The following PSMB2 variants were observed in gnomAD, a reference collection of about 807,000 sequenced individuals.
The protein encoded by PSMB2 is proteasome 20S subunit beta 2.
In PSMB2, 13 loss-of-function variants were observed where a neutral mutation model predicts 25.7. That is an observed-to-expected ratio of 0.51 (90% CI 0.33 to 0.80). PSMB2 has a LOEUF of 0.80. Among genes scored for constraint, PSMB2 ranks in the 30% least tolerant of loss-of-function variants. The probability of loss-of-function intolerance (pLI) is 0.02; values close to 1 mark genes in which losing one functional copy is unlikely to be tolerated. For synonymous variants in PSMB2, 87 were observed against 96.2 expected, an observed-to-expected ratio of 0.90 and a Z score of 0.56; for missense variants, 202 against 259.0, an observed-to-expected ratio of 0.78 and a Z score of 1.51.
In PSMB2 at chr1:35,600,098, G is replaced by C. The variant is rs1216675949; in HGVS notation, c.*3169C>G. 4 of 861,834 alleles carry C rather than the reference G, an allele frequency of 4.6e-6. No individual in the cohort carries two copies. The South Asian group carries it at 2.1e-4, about 46-fold the overall frequency. 53.4% of individuals were successfully genotyped at this position (861,834 alleles called of 1,614,324 possible). On this transcript the variant is annotated 3_prime_UTR_variant, in exon 6 of 6. Coordinates refer to ENST00000373237, the MANE Select transcript of PSMB2 (RefSeq NM_002794.5). ...GAACTTACTGCAGTAAGCTACGATC[G>C]TGCCACTGTACTCCAGCCTAGGTGA...
chr1:35,602,817 A>T lies in PSMB2; in HGVS notation c.*450T>A. On this transcript the variant is annotated 3_prime_UTR_variant, in exon 6 of 6. Coordinates refer to ENST00000373237, the MANE Select transcript of PSMB2 (RefSeq NM_002794.5). Reference sequence around the variant, plus strand: ...AGCTCTGGAAGAAATATTTTTCACTACATGTTTTTGTACTGTTTGCATGTT... The same window carrying T: ...AGCTCTGGAAGAAATATTTTTCACTTCATGTTTTTGTACTGTTTGCATGTT... 1.3e-6 allele frequency: 1 copy of T among 780,794 alleles called. No individual in the cohort carries two copies. Among genetic ancestry groups the T allele is most frequent in the Non-Finnish European group, 1.6e-6 (1 of 642,728 alleles). 48.4% of individuals were successfully genotyped at this position (780,794 alleles called of 1,614,324 possible).
chr1:35,601,212 G>A lies in PSMB2; in HGVS notation c.*2055C>T, dbSNP rs144381162. 3.6e-3 allele frequency: 2,062 copies of A among 567,828 alleles called. 51 individuals carry two copies. In the African/African-American group the frequency reaches 0.04, roughly 11 times the overall value. 35.2% of individuals were successfully genotyped at this position (567,828 alleles called of 1,614,324 possible). On this transcript the variant is annotated 3_prime_UTR_variant, in exon 6 of 6. Coordinates refer to ENST00000373237, the MANE Select transcript of PSMB2 (RefSeq NM_002794.5). ...CTCCCAAGTAGTTGGGTTTACAGGC[G>A]TGTGCCACCACGCCTGGCTAATTGT...
chr1:35,614,117 G>A (rs1227640035), intron 3 of PSMB2, among the ~76,000 whole-genome samples: 1 of 152,120 alleles, frequency 6.6e-6, no homozygotes, highest in African/African-American at 2.4e-5. Flanking sequence ...CTCTTTCCAG[G>A]GGCCCTAGGG....
chr1:35,621,900 G>C (rs1468058575), intron 3 of PSMB2, among the ~76,000 whole-genome samples: 1 of 152,108 alleles, frequency 6.6e-6, no homozygotes, highest in Admixed American at 6.5e-5. Flanking sequence ...GGAGGCTGAG[G>C]CAGGAGAATT....
intron 4 of PSMB2, among the ~76,000 whole-genome samples, chr1:35,608,891 C>G (rs1040000961): frequency 6.6e-6 from 1 of 152,160 alleles, no homozygotes; most frequent in Non-Finnish European, 1.5e-5. Flanking sequence ...TGCCAAAAAT[C>G]TAGGCAAAGC....
chr1:35,626,734 T>C (rs185655478), intron 3 of PSMB2, among the ~76,000 whole-genome samples: 21 of 152,334 alleles, frequency 1.4e-4, no homozygotes, highest in African/African-American at 4.3e-4. Context: ...ACACATCTTA[T>C]GGTGTCATAA....
At chr1:35,639,443 T>C (rs1212108387) in intron 1 of PSMB2, among the ~76,000 whole-genome samples, 1 of 152,222 alleles carries the variant, frequency 6.6e-6, no homozygotes, top group East Asian at 1.9e-4. Context: ...CTTTTATTAC[T>C]CTTAGGATTT....
chr1:35,633,819 A>C (rs1315303249), intron 2 of PSMB2, among the ~76,000 whole-genome samples: 1 of 152,380 alleles, frequency 6.6e-6, no homozygotes, highest in South Asian at 2.1e-4. Context: ...GAGGCCCTCA[A>C]AAGTATTTAT....
At chr1:35,623,099 G>A (rs548858283) in intron 3 of PSMB2, among the ~76,000 whole-genome samples, 1 of 152,186 alleles carries the variant, frequency 6.6e-6, no homozygotes, top group Non-Finnish European at 1.5e-5. Flanking sequence ...CTGTCTCTGG[G>A]TCTTTGGATA....
intron 3 of PSMB2, among the ~76,000 whole-genome samples, chr1:35,611,242 T>C (rs1011109343): frequency 3.9e-5 from 6 of 152,208 alleles, no homozygotes; most frequent in Non-Finnish European, 7.3e-5. Context: ...TGAAGTGTAA[T>C]AGCTAATGGT....
intron 3 of PSMB2, among the ~76,000 whole-genome samples, chr1:35,620,729 A>AT (rs1650656769): frequency 6.6e-6 from 1 of 151,594 alleles, no homozygotes; most frequent in South Asian, 2.1e-4. Flanking sequence ...CTGTCTCAAA[A>AT]AAAAAACAAA....
chr1:35,618,036 T>C (rs1434838906), intron 3 of PSMB2, among the ~76,000 whole-genome samples: 1 of 152,104 alleles, frequency 6.6e-6, no homozygotes, highest in Admixed American at 6.5e-5. Flanking sequence ...AGGATGGTAA[T>C]TGACAGTTAC....
intron 3 of PSMB2, among the ~76,000 whole-genome samples, chr1:35,629,973 A>C (rs1306958926): frequency 6.6e-6 from 1 of 152,154 alleles, no homozygotes; most frequent in Non-Finnish European, 1.5e-5. Flanking sequence ...GTTCGAGACC[A>C]GCCTGACACC....
intron 3 of PSMB2, among the ~76,000 whole-genome samples, chr1:35,621,571 C>T (rs772884343): frequency 7.9e-5 from 12 of 152,172 alleles, no homozygotes; most frequent in Admixed American, 1.3e-4. Context: ...ATCCTATTTG[C>T]TCTGTTGTCT....
intron 3 of PSMB2, among the ~76,000 whole-genome samples, chr1:35,625,544 C>T (rs1471109945): frequency 6.6e-6 from 1 of 152,006 alleles, no homozygotes; most frequent in South Asian, 2.1e-4. Flanking sequence ...GGGTGGACCA[C>T]GAGGTCAAGA....
intron 3 of PSMB2, 146 bp downstream of exon 3, chr1:35,631,128 A>G (rs1048931385): frequency 9.9e-6 from 7 of 708,894 alleles, no homozygotes; most frequent in Non-Finnish European, 1.5e-5. Flanking sequence ...GCACAAAGAC[A>G]TTGGACTTAA....
chr1:35,615,717 A>G (rs1454635861), intron 3 of PSMB2, among the ~76,000 whole-genome samples: 1 of 152,210 alleles, frequency 6.6e-6, no homozygotes, highest in Non-Finnish European at 1.5e-5. Flanking sequence ...CTTTGGAGCC[A>G]GGCCAGCCTT....
chr1:35,611,256 A>G lies in PSMB2; in HGVS notation c.286-1848T>C, dbSNP rs555028569. 1.1e-4 allele frequency among the ~76,000 whole-genome samples: 17 copies of G among 152,340 alleles called. No homozygotes were observed. The South Asian group carries it at 3.3e-3, about 30-fold the overall frequency. On this transcript the variant is annotated intron_variant, in intron 3 of 5. Transcript: ENST00000373237. ...ATGAAGTGTAATAGCTAATGGTCCT[A>G]AAAGTGGCATTTAACATTCTTTGAA...
At chr1:35,604,047 G>C (rs118048817) in intron 5 of PSMB2, among the ~76,000 whole-genome samples, 3 of 149,844 alleles carry the variant, frequency 2.0e-5, no homozygotes, top group South Asian at 4.2e-4. Flanking sequence ...AAAAAAAAGC[G>C]GGGGGTGGGG....
Sources: gnomAD v4.1 joint callset for allele counts (sites outside exome capture counted in the v4.1 genomes callset) on GRCh38, gnomAD v4.1.1 for gene constraint, MANE v1.5 for transcripts, NCBI Gene and HGNC (gene_info 2026-07-23, HGNC 2026-07-21) for gene names.